The following IL16 variants were observed in gnomAD, a reference collection of about 807,000 sequenced individuals.
IL16 encodes the protein interleukin 16.
A neutral mutation model predicts 110.1 loss-of-function variants in IL16; 67 were observed. The ratio of observed to expected loss-of-function variants is 0.61; its 90% confidence interval spans 0.50 to 0.75. The LOEUF (loss-of-function observed/expected upper bound fraction) is 0.75. IL16 is among the 30% of genes least tolerant of loss of function. The pLI is 0.00. For synonymous variants in IL16, 689 were observed against 662.9 expected (o/e 1.04, Z -0.61); for missense variants, 1,545 against 1,655.0 (o/e 0.93, Z 1.15).
At chr15:81,273,781 C>T (rs570597050) in intron 6 of IL16, among the ~76,000 whole-genome samples, 1 of 152,140 alleles carries the variant, frequency 6.6e-6, no homozygotes, top group South Asian at 2.1e-4. Flanking sequence ...CCCTCTCTTC[C>T]ACTCCCCACC....
chr15:81,263,073 GTTTA>G (rs1320235996), intron 3 of IL16, among the ~76,000 whole-genome samples: 1 of 151,984 alleles, frequency 6.6e-6, no homozygotes, highest in Non-Finnish European at 1.5e-5. Flanking sequence ...ATTGTGAAAG[GTTTA>G]TTTAATTATT....
At chr15:81,211,648 A>G (rs984755938) in intron 1 of IL16, among the ~76,000 whole-genome samples, 3 of 152,196 alleles carry the variant, frequency 2.0e-5, no homozygotes, top group Non-Finnish European at 4.4e-5. Flanking sequence ...TTGGCCTCCC[A>G]AAGTGCTAGA....
rs767907522 is a variant in IL16, at chr15:81,301,385, C to T, written c.3191C>T (p.Ala1064Val). Reference protein sequence around the residue: ...LREYTEGLTEAKEDDDGDHSS... With the variant: ...LREYTEGLTEVKEDDDGDHSS... ...GAATATACAGAGGGTCTCACGGAAG[C>T]CAAGGAAGACGATGATGGGGACCAC... Residue 1064 changes from alanine to valine, a missense_variant, in exon 15 of 19, where the codon GCC becomes GTC. Ala to Val is a moderately conservative substitution (Grantham distance 64). Transcript: ENST00000683961. 1.2e-6 allele frequency: 2 copies of T among 1,613,808 alleles called. No homozygotes were observed. The highest frequency in any genetic ancestry group is 1.7e-5 in the Admixed American group (1 of 59,956).
intron 10 of IL16, among the ~76,000 whole-genome samples, chr15:81,288,829 A>ATGTGTGTG (rs149894902): frequency 0.16 from 22,889 of 140,866 alleles, 2,004 homozygotes; most frequent in Middle Eastern, 0.22. Flanking sequence ...TAGTATGTGT[A>ATGTGTGTG]TGTGTGTGTG....
Position 81,292,536 on chromosome 15 carries a change from C to T in IL16, c.1421-20C>T, listed in dbSNP as rs568101674. On this transcript the variant is annotated intron_variant, in intron 11 of 18. Coordinates refer to ENST00000683961, the MANE Select transcript of IL16 (RefSeq NM_172217.5). Reference sequence around the variant, plus strand: ...TTTCTGAAGCTCAGCTGTGAAGATTCTCTTGTGCTTCCCACACAGGTGTCA... The same window carrying T: ...TTTCTGAAGCTCAGCTGTGAAGATTTTCTTGTGCTTCCCACACAGGTGTCA... The T allele has an allele frequency of 1.2e-6, 2 of 1,610,616 alleles. No individual in the cohort carries two copies.
intron 3 of IL16, among the ~76,000 whole-genome samples, chr15:81,263,696 A>C (rs1449090077): frequency 6.6e-6 from 1 of 152,176 alleles, no homozygotes; most frequent in Non-Finnish European, 1.5e-5. Context: ...CTCTGAGGTC[A>C]GGTTGATCTG....
At chr15:81,300,569 A>T in intron 14 of IL16, 94 bp downstream of exon 14, 1 of 742,144 alleles carries the variant, frequency 1.3e-6, no homozygotes, top group Non-Finnish European at 2.1e-6. Flanking sequence ...AATTTAAAAA[A>T]TTCCCAGATA....
At chr15:81,246,073 A>G (rs60969413) in intron 2 of IL16, among the ~76,000 whole-genome samples, 4,295 of 152,204 alleles carry the variant, frequency 0.028, 212 homozygotes, top group African/African-American at 0.099. Context: ...TATTTTCTAC[A>G]TAATCATATC....
intron 2 of IL16, 74 bp downstream of exon 2, chr15:81,225,785 C>A: frequency 7.8e-7 from 1 of 1,280,138 alleles, no homozygotes; most frequent in Non-Finnish European, 1.1e-6. Flanking sequence ...TCTTTGAATC[C>A]ATTTATTCAA....
intron 2 of IL16, among the ~76,000 whole-genome samples, chr15:81,254,543 G>A (rs1897880865): frequency 1.3e-5 from 2 of 152,316 alleles, no homozygotes; most frequent in South Asian, 4.1e-4. Context: ...ATGGGGACTG[G>A]CAGATGGAGA....
intron 4 of IL16, 53 bp downstream of exon 4, chr15:81,265,854 A>T: frequency 6.5e-7 from 1 of 1,549,568 alleles, no homozygotes. Context: ...GGGAGAAGGG[A>T]GGGGCCCAAC....
intron 1 of IL16, among the ~76,000 whole-genome samples, chr15:81,199,839 A>T (rs1895745073): frequency 6.6e-6 from 1 of 152,156 alleles, no homozygotes; most frequent in Admixed American, 6.5e-5. Flanking sequence ...GAATTTCAGA[A>T]CTCATCCCAG....
At chr15:81,273,036 A>C in intron 5 of IL16, 54 bp from the exon 6 acceptor site, 1 of 1,426,104 alleles carries the variant, frequency 7.0e-7, no homozygotes, top group Non-Finnish European at 9.9e-7. Flanking sequence ...GCATCAGGCC[A>C]ATGAGAAGCA....
At chr15:81,230,515 G>A (rs1364117916) in intron 2 of IL16, among the ~76,000 whole-genome samples, 1 of 152,086 alleles carries the variant, frequency 6.6e-6, no homozygotes, top group Non-Finnish European at 1.5e-5. Flanking sequence ...ATACCCTCAG[G>A]GAACTTGCAG....
At chr15:81,266,733 T>C (rs1898399809) in intron 4 of IL16, among the ~76,000 whole-genome samples, 1 of 152,214 alleles carries the variant, frequency 6.6e-6, no homozygotes, top group Admixed American at 6.5e-5. Flanking sequence ...AGGCGTGGAC[T>C]TCACATTTTC....
chr15:81,271,344 A>G (rs947405320), intron 5 of IL16, among the ~76,000 whole-genome samples: 1 of 152,056 alleles, frequency 6.6e-6, no homozygotes, highest in African/African-American at 2.4e-5. Context: ...ATGCTGGCAC[A>G]TGCCTGTAGT....
At chr15:81,238,686 T>A (rs1250347389) in intron 2 of IL16, among the ~76,000 whole-genome samples, 1 of 152,142 alleles carries the variant, frequency 6.6e-6, no homozygotes, top group African/African-American at 2.4e-5. Flanking sequence ...GATGATCTAT[T>A]ATGTTTATTT....
intron 1 of IL16, among the ~76,000 whole-genome samples, chr15:81,223,641 C>G (rs1896692729): frequency 6.6e-6 from 1 of 152,174 alleles, no homozygotes; most frequent in African/African-American, 2.4e-5. Context: ...TTTATGAGAA[C>G]TAAATAGTAA....
chr15:81,222,374 G>GT (rs3086708), intron 1 of IL16, among the ~76,000 whole-genome samples: 1,378 of 137,032 alleles, frequency 0.01, 11 homozygotes, highest in Non-Finnish European at 0.011. Context: ...TTCCAGGAGG[G>GT]TTTTTTTTTT....
Sources: gnomAD v4.1 joint callset for allele counts (sites outside exome capture counted in the v4.1 genomes callset) on GRCh38, gnomAD v4.1.1 for gene constraint, MANE v1.5 for transcripts, NCBI Gene and HGNC (gene_info 2026-07-23, HGNC 2026-07-21) for gene names.